The following ABCA4 variants were observed in gnomAD, a reference collection of about 807,000 sequenced individuals.
The protein encoded by ABCA4 is retinal-specific phospholipid-transporting ATPase ABCA4.
ABCA4 carries 196 observed loss-of-function variants against 263.7 expected under a neutral mutation model. That is an observed-to-expected ratio of 0.74 (90% CI 0.66 to 0.84). ABCA4 has a LOEUF of 0.84. Among genes scored for constraint, ABCA4 ranks in the 40% least tolerant of loss-of-function variants. The pLI is 0.00. For missense variants in ABCA4, 2,792 were observed against 2,855.1 expected (o/e 0.98, Z 0.50); for synonymous variants, 1,133 against 1,094.2 (o/e 1.04, Z -0.70).
intron 18 of ABCA4, among the ~76,000 whole-genome samples, 189 bp downstream of exon 18, chr1:94,048,679 G>A (rs1307525367): frequency 6.6e-6 from 1 of 152,208 alleles, no homozygotes; most frequent in Non-Finnish European, 1.5e-5. Flanking sequence ...TAATGTCTGG[G>A]CTGAACCATT....
At chr1:94,079,234 G>A in intron 9 of ABCA4, 88 bp downstream of exon 9, 1 of 1,564,880 alleles carries the variant, frequency 6.4e-7, no homozygotes, top group South Asian at 1.1e-5. Context: ...GTGCTACCAG[G>A]AAGGCACATC....
intron 24 of ABCA4, among the ~76,000 whole-genome samples, chr1:94,037,983 A>G (rs1036499770): frequency 4.6e-5 from 7 of 152,146 alleles, no homozygotes; most frequent in Non-Finnish European, 1.0e-4. Flanking sequence ...CAAGACACAA[A>G]CCTGGAACCG....
rs61750638 is a variant in ABCA4 at position 94,008,234 on chromosome 1, C to T, written c.5898+1G>A. 1.2e-6 allele frequency: 2 copies of T among 1,614,072 alleles called. No individual in the cohort carries two copies. Among genetic ancestry groups the T allele is most frequent in the Non-Finnish European group, 1.7e-6 (2 of 1,179,976 alleles). ...TCACACGTGGTCTGCAGAGTACCCA[C>T]CTCTCCAGGGCGAACTCCGACACAC... is the stretch of plus-strand genomic sequence containing the variant. On this transcript the variant is annotated splice_donor_variant, in intron 42 of 49. Coordinates refer to ENST00000370225, the MANE Select transcript of ABCA4 (RefSeq NM_000350.3). LOFTEE classifies it high-confidence loss of function.
In ABCA4 at chr1:94,056,653, A is replaced by T. The variant is rs2101069681; in HGVS notation, c.2330T>A (p.Ile777Asn). Reference sequence around the variant, plus strand: ...GCGGTCCTGCCAGGCGAAGCACAGGATGTGTGGCAGGTAGAGGGTGAAATA... The same window carrying T: ...GCGGTCCTGCCAGGCGAAGCACAGGTTGTGTGGCAGGTAGAGGGTGAAATA... The part of the protein sequence containing the change: ...VIYFTLYLPH[I>N]LCFAWQDRMT... Residue 777 changes from isoleucine to asparagine, a missense_variant, in exon 15 of 50, where the codon ATC (isoleucine) becomes AAC (asparagine). Coordinates refer to ENST00000370225, the MANE Select transcript of ABCA4 (RefSeq NM_000350.3). The T allele has an allele frequency of 6.2e-7, 1 of 1,613,978 alleles. No homozygotes were observed. Among genetic ancestry groups the T allele is most frequent in the Non-Finnish European group, 8.5e-7 (1 of 1,180,026 alleles).
At chr1:94,106,240 C>T (rs139585054) in intron 4 of ABCA4, among the ~76,000 whole-genome samples, 13 of 152,330 alleles carry the variant, frequency 8.5e-5, no homozygotes, top group South Asian at 6.2e-4. Context: ...CGCCTGCATA[C>T]CAATTCAAAA....
intron 11 of ABCA4, among the ~76,000 whole-genome samples, chr1:94,071,676 G>A (rs574592716): frequency 6.6e-6 from 1 of 152,332 alleles, no homozygotes; most frequent in Non-Finnish European, 1.5e-5. Flanking sequence ...GCTCATAGCA[G>A]CTTCAATATC....
intron 22 of ABCA4, 141 bp from the exon 23 acceptor site, chr1:94,041,543 G>T: frequency 1.2e-6 from 1 of 847,530 alleles, no homozygotes; most frequent in Non-Finnish European, 1.9e-6. Context: ...AACTAATTCA[G>T]CAGCAAATTC....
At chr1:94,013,982 G>A (rs79929849) in intron 38 of ABCA4, among the ~76,000 whole-genome samples, 34 of 152,212 alleles carry the variant, frequency 2.2e-4, no homozygotes, top group East Asian at 7.7e-4. Flanking sequence ...ATGCCTTTTT[G>A]TTCCTTTTAG....
intron 11 of ABCA4, among the ~76,000 whole-genome samples, chr1:94,070,799 G>A (rs1456861861): frequency 6.6e-6 from 1 of 152,184 alleles, no homozygotes; most frequent in Non-Finnish European, 1.5e-5. Context: ...GAAGCCTGGG[G>A]CAGTCCCATA....
At chr1:94,116,748 C>A (rs1355620656) in intron 1 of ABCA4, among the ~76,000 whole-genome samples, 1 of 152,116 alleles carries the variant, frequency 6.6e-6, no homozygotes, top group African/African-American at 2.4e-5. Context: ...TACAGGCATA[C>A]CCCAGGGAGA....
At chr1:94,079,249 T>TCACACA (rs4147886) in intron 9 of ABCA4, 73 bp downstream of exon 9, 742 of 1,429,384 alleles carry the variant, frequency 5.2e-4, no homozygotes, top group African/African-American at 4.1e-3. Context: ...CACATCTCTC[T>TCACACA]CACACACACA....
At chr1:94,035,721 G>C (rs1360640263) in intron 26 of ABCA4, among the ~76,000 whole-genome samples, 1 of 152,172 alleles carries the variant, frequency 6.6e-6, no homozygotes, top group Non-Finnish European at 1.5e-5. Context: ...TACCAGGAGA[G>C]GATTTTACAG....
chr1:94,111,609 G>A (rs1342841936), intron 2 of ABCA4, 30 bp from the exon 3 acceptor site: 1 of 1,613,742 alleles, frequency 6.2e-7, no homozygotes, highest in Non-Finnish European at 8.5e-7. Flanking sequence ...GACAAGACGG[G>A]ATTAGTCATG....
At chr1:94,110,407 C>A (rs1456142254) in intron 3 of ABCA4, among the ~76,000 whole-genome samples, 1 of 152,190 alleles carries the variant, frequency 6.6e-6, no homozygotes. Flanking sequence ...TAAAAGCAGG[C>A]TTCTCCTGGA....
intron 6 of ABCA4, among the ~76,000 whole-genome samples, chr1:94,095,645 C>A (rs1480835343): frequency 1.3e-5 from 2 of 152,016 alleles, no homozygotes; most frequent in Admixed American, 1.3e-4. Flanking sequence ...CTGCCCTGAG[C>A]CTTTCTGGGC....
At position 94,021,941 on chromosome 1, in the gene ABCA4, T is replaced by C; in HGVS notation, c.4678A>G (p.Ile1560Val). Reference sequence around the variant, plus strand: ...ACTGGGAGCTTTCCTCCAATGGAAATTCCTCCATACCTGACAAGGAAACAG... The same window carrying C: ...ACTGGGAGCTTTCCTCCAATGGAAACTCCTCCATACCTGACAAGGAAACAG... The part of the protein sequence containing the change: ...FWVNEQRYGG[I>V]SIGGKLPVVP... Residue 1560 changes from isoleucine (I) to valine (V), a missense_variant, in exon 33 of 50, where the codon ATT (isoleucine) becomes GTT (valine). By Grantham distance (29) the Ile-to-Val change is conservative. Transcript: ENST00000370225. The C allele has an allele frequency of 6.2e-7, 1 of 1,614,140 alleles. No homozygotes were observed. The highest frequency in any genetic ancestry group is 1.1e-5 in the South Asian group (1 of 91,084).
At position 94,021,876 on chromosome 1, in the gene ABCA4, G is replaced by T. The variant is rs539124923; in HGVS notation, c.4743C>A (p.Ser1581Arg). 1 of 1,614,096 alleles carries T rather than the reference G, an allele frequency of 6.2e-7. No individual in the cohort carries two copies. The highest frequency in any genetic ancestry group is 1.3e-5 in the African/African-American group (1 of 74,992). ...TCACATTCATGATCCGGCCAAGGTCGCTTAAAAACCCAACAAGTGCTTCCC... is the reference window on the plus strand; with the variant it reads ...TCACATTCATGATCCGGCCAAGGTCTCTTAAAAACCCAACAAGTGCTTCCC... ...ITGEALVGFL[S>R]DLGRIMNVSG... Residue 1581 changes from serine (S) to arginine (R), a missense_variant, in exon 33 of 50, where the codon AGC becomes AGA. Physicochemically the swap from Ser to Arg is moderately radical, Grantham distance 110. Transcript: ENST00000370225.
Position 94,041,370 on chromosome 1 carries a change from C to T in ABCA4, c.3361G>A (p.Asp1121Asn). 6.2e-7 allele frequency: 1 copy of T among 1,614,060 alleles called. No homozygotes were observed. The highest frequency in any genetic ancestry group is 8.5e-7 in the Non-Finnish European group (1 of 1,180,042). Reference sequence around the variant, plus strand: ...CGGTCCCCAAGGAGGTCGGCCTCGTCCATGTGGTGAGTGGACATGATGATG... The same window carrying T: ...CGGTCCCCAAGGAGGTCGGCCTCGTTCATGTGGTGAGTGGACATGATGATG... ...RTIIMSTHHM[D>N]EADLLGDRIA... The change falls in exon 23 of 50, where the codon GAC becomes AAC. Residue 1121 changes from aspartate to asparagine, a missense_variant. Transcript: ENST00000370225.
intron 1 of ABCA4, among the ~76,000 whole-genome samples, chr1:94,114,946 G>A (rs971615656): frequency 6.6e-6 from 1 of 152,176 alleles, no homozygotes; most frequent in Admixed American, 6.5e-5. Context: ...CTCATAATAG[G>A]TGCCCAATAA....
Sources: gnomAD v4.1 joint callset for allele counts (sites outside exome capture counted in the v4.1 genomes callset) on GRCh38, gnomAD v4.1.1 for gene constraint, MANE v1.5 for transcripts, NCBI Gene and HGNC (gene_info 2026-07-23, HGNC 2026-07-21) for gene names.